The following PCNX1 variants were observed in gnomAD, a reference collection of about 807,000 sequenced individuals.
PCNX1 encodes pecanex 1.
PCNX1 carries 78 observed loss-of-function variants against 242.2 expected under a neutral mutation model. That is an observed-to-expected ratio of 0.32 (90% CI 0.27 to 0.39). PCNX1 has a LOEUF of 0.39. Ranked by LOEUF, PCNX1 falls within the 10% of genes least tolerant of loss-of-function variation. The pLI is 1.00. For synonymous variants in PCNX1, 1,024 were observed against 1,032.9 expected (o/e 0.99, Z 0.17); for missense variants, 2,581 against 2,856.5 (o/e 0.90, Z 2.20).
intron 12 of PCNX1, among the ~76,000 whole-genome samples, chr14:71,022,607 G>C (rs1424051731): frequency 1.3e-5 from 2 of 152,152 alleles, no homozygotes; most frequent in Admixed American, 1.3e-4. Flanking sequence ...GAAAAGTCAT[G>C]AGTAGGGAAG....
intron 8 of PCNX1, among the ~76,000 whole-genome samples, chr14:71,006,363 GT>G (rs543525103): frequency 3.2e-3 from 482 of 152,012 alleles, no homozygotes; most frequent in Non-Finnish European, 5.3e-3. Context: ...TGAAATTCCA[GT>G]TTCTAATCGT....
intron 20 of PCNX1, among the ~76,000 whole-genome samples, chr14:71,046,733 G>A (rs1182551565): frequency 1.3e-5 from 2 of 151,974 alleles, no homozygotes; most frequent in African/African-American, 4.8e-5. Flanking sequence ...TAAAAACTGA[G>A]GTTTCAAGAA....
chr14:70,951,264 T>C (rs1178460451), intron 2 of PCNX1, among the ~76,000 whole-genome samples: 1 of 152,220 alleles, frequency 6.6e-6, no homozygotes, highest in Non-Finnish European at 1.5e-5. Flanking sequence ...TTTTTTCATT[T>C]ATACCATACT....
chr14:71,072,791 G>A (rs2061616973), intron 26 of PCNX1, among the ~76,000 whole-genome samples: 1 of 151,998 alleles, frequency 6.6e-6, no homozygotes. Flanking sequence ...TATTTTGCTG[G>A]CACTAGATTG....
chr14:71,064,293 C>T (rs1450525047), intron 26 of PCNX1, among the ~76,000 whole-genome samples: 1 of 152,060 alleles, frequency 6.6e-6, no homozygotes, highest in Non-Finnish European at 1.5e-5. Flanking sequence ...TTATTGACTT[C>T]ATTTTCTGAG....
intron 1 of PCNX1, among the ~76,000 whole-genome samples, chr14:70,940,894 C>T (rs1006468135): frequency 9.2e-5 from 14 of 152,088 alleles, no homozygotes; most frequent in Admixed American, 7.2e-4. Context: ...TCACTGATAC[C>T]CTTTCTTCCA....
chr14:70,946,616 A>T (rs527655589), intron 1 of PCNX1, among the ~76,000 whole-genome samples: 1 of 152,238 alleles, frequency 6.6e-6, no homozygotes, highest in Non-Finnish European at 1.5e-5. Flanking sequence ...TTATTTCAAC[A>T]TGTAATCAAC....
chr14:70,942,748 T>TG (rs1566596676), intron 1 of PCNX1: 1 of 152,160 alleles, frequency 6.6e-6, no homozygotes, highest in African/African-American at 2.4e-5. Flanking sequence ...GCCTTTTGGG[T>TG]TTTTATAGAA....
At chr14:71,038,533 TCA>T (rs1425769047) in intron 19 of PCNX1, among the ~76,000 whole-genome samples, 1 of 152,042 alleles carries the variant, frequency 6.6e-6, no homozygotes, top group Non-Finnish European at 1.5e-5. Context: ...AGATACCATC[TCA>T]CACCAGTTAG....
rs377086471 is a variant in PCNX1, at chr14:70,947,066, G to A, written c.305G>A (p.Arg102Gln). The part of the protein sequence containing the change: ...DRTANEFTDQ[R>Q]TKAEQGNCST... The stretch of plus-strand genomic sequence containing the variant: ...ACTGCAAATGAGTTCACGGATCAGC[G>A]AACCAAAGCTGAACAAGGCAACTGT... The change falls in exon 2 of 36, where the codon CGA becomes CAA. Residue 102 changes from arginine (R) to glutamine (Q), a missense_variant. Physicochemically the swap from Arg to Gln is conservative, Grantham distance 43. This residue lies in a region of PCNX1 where 1,204 missense variants were observed against 1,216.7 expected (regional missense o/e 0.99). Transcript: ENST00000304743. The A allele has an allele frequency of 3.7e-5, 59 of 1,613,338 alleles. No individual in the cohort carries two copies. Among genetic ancestry groups the A allele is most frequent in the Admixed American group, 1.7e-4 (10 of 59,856 alleles).
intron 13 of PCNX1, among the ~76,000 whole-genome samples, chr14:71,023,897 A>T (rs2060170529): frequency 6.6e-6 from 1 of 152,144 alleles, no homozygotes; most frequent in South Asian, 2.1e-4. Context: ...ATAATGAATA[A>T]TGGGAATGGA....
intron 19 of PCNX1, among the ~76,000 whole-genome samples, chr14:71,040,716 A>G (rs1244716879): frequency 6.6e-6 from 1 of 152,136 alleles, no homozygotes; most frequent in Admixed American, 6.6e-5. Flanking sequence ...TTTTTAATGT[A>G]CAATTAAATG....
intron 1 of PCNX1, among the ~76,000 whole-genome samples, chr14:70,945,034 G>A (rs577458168): frequency 3.6e-4 from 55 of 152,238 alleles, no homozygotes; most frequent in African/African-American, 1.3e-3. Context: ...GACTAATACA[G>A]TGTTCAGCTC....
intron 6 of PCNX1, among the ~76,000 whole-genome samples, chr14:70,984,531 C>T (rs1287824996): frequency 6.6e-6 from 1 of 150,998 alleles, no homozygotes; most frequent in East Asian, 1.9e-4. Flanking sequence ...GGATTACAGG[C>T]GTCCACCACC....
intron 19 of PCNX1, among the ~76,000 whole-genome samples, chr14:71,044,032 T>G (rs920807554): frequency 6.6e-6 from 1 of 152,222 alleles, no homozygotes; most frequent in African/African-American, 2.4e-5. Flanking sequence ...CAGGATGCTT[T>G]GGCTTTGGTT....
At chr14:70,974,813 A>C (rs2058647481) in intron 5 of PCNX1, among the ~76,000 whole-genome samples, 1 of 152,226 alleles carries the variant, frequency 6.6e-6, no homozygotes, top group Admixed American at 6.5e-5. Context: ...GATTCGATGA[A>C]AAATGTATCT....
chr14:71,090,310 A>G (rs1306560719), intron 30 of PCNX1, among the ~76,000 whole-genome samples: 1 of 152,218 alleles, frequency 6.6e-6, no homozygotes, highest in African/African-American at 2.4e-5. Context: ...TCCACTGGAC[A>G]GTAGTTATCA....
At chr14:70,916,684 A>AT (rs1330583988) in intron 1 of PCNX1, among the ~76,000 whole-genome samples, 4 of 152,240 alleles carry the variant, frequency 2.6e-5, no homozygotes, top group African/African-American at 4.8e-5. Flanking sequence ...GCGAGTTGTC[A>AT]TTTTTTTGCT....
At chr14:71,103,301 AAT>A in intron 31 of PCNX1, 92 bp from the exon 32 acceptor site, 1 of 1,344,152 alleles carries the variant, frequency 7.4e-7, no homozygotes, top group South Asian at 1.3e-5. Flanking sequence ...TGGTTATCAT[AAT>A]ATCTTTTGTA....
Sources: gnomAD v4.1 joint callset for allele counts (sites outside exome capture counted in the v4.1 genomes callset) on GRCh38, gnomAD v4.1.1 for gene constraint, gnomAD v4.1.1 regional missense constraint, MANE v1.5 for transcripts, NCBI Gene and HGNC (gene_info 2026-07-23, HGNC 2026-07-21) for gene names.